Variants in RUNDC3A observed in about 807,000 individuals in gnomAD.
The protein encoded by RUNDC3A is RUN domain-containing protein 3A.
Under a neutral mutation model 53.9 loss-of-function variants are expected in RUNDC3A, and 28 were observed. The observed-to-expected ratio is 0.52, with a 90% CI of 0.38 to 0.71. The LOEUF (loss-of-function observed/expected upper bound fraction) is 0.71. RUNDC3A is among the 30% of genes least tolerant of loss of function. RUNDC3A has a pLI of 0.00. For missense variants in RUNDC3A, 491 were observed against 597.3 expected, an observed-to-expected ratio of 0.82 and a Z score of 1.85; for synonymous variants, 232 against 249.4, an observed-to-expected ratio of 0.93 and a Z score of 0.66.
intron 1 of RUNDC3A, chr17:44,311,201 G>A (rs2144673686): frequency 2.0e-6 from 2 of 985,662 alleles, no homozygotes; most frequent in Non-Finnish European, 2.4e-6. Context: ...GGGGGACGAG[G>A]GCTCAGCTGT....
intron 10 of RUNDC3A, 186 bp from the exon 11 acceptor site, chr17:44,317,910 G>T: frequency 4.9e-6 from 3 of 606,556 alleles, no homozygotes; most frequent in Non-Finnish European, 8.8e-6. Context: ...ACAATACAGT[G>T]TCCCCAGCAC....
At position 44,314,046 on chromosome 17, in the gene RUNDC3A, C is replaced by T. The variant is rs928814518; in HGVS notation, c.458+543C>T. The T allele has an allele frequency of 2.2e-5, 22 of 993,096 alleles. No individual in the cohort carries two copies. In the Admixed American group the frequency reaches 2.9e-4, roughly 13 times the overall value. The allele number at this position is 993,096 out of a possible 1,614,324, so 61.5% of individuals were successfully genotyped here. ...ATGCCCATTATTTGCCATCAATGCC[C>T]AGCACGCTCCACCCTTGCACACCTC... On this transcript the variant is annotated intron_variant, in intron 4 of 10. Transcript: ENST00000426726.
rs976666242 is a variant in RUNDC3A, at chr17:44,315,349, G to C, written c.795+29G>C. 162 of 1,312,866 alleles carry C rather than the reference G, an allele frequency of 1.2e-4. No individual in the cohort carries two copies. Among genetic ancestry groups the C allele is most frequent in the Non-Finnish European group, 1.6e-4 (159 of 1,025,074 alleles). The allele number at this position is 1,312,866 out of a possible 1,614,324, so 81.3% of individuals were successfully genotyped here. On this transcript the variant is annotated intron_variant, in intron 7 of 10. Coordinates refer to ENST00000426726, the MANE Select transcript of RUNDC3A (RefSeq NM_001144825.2). The surrounding 1 kb of genome is among the most constrained non-coding windows in gnomAD (Gnocchi z 6.1). The stretch of plus-strand genomic sequence containing the variant: ...CGCGACGCCGGCGGGCCCGGGGGGC[G>C]GGCGGGCCGGGCGGGGGATCCGGGC...
Position 44,312,561 on chromosome 17 carries a change from T to A in RUNDC3A, c.108-19T>A. 1 of 1,470,816 alleles carries A rather than the reference T, an allele frequency of 6.8e-7. No individual in the cohort carries two copies. The highest frequency in any genetic ancestry group is 9.3e-7 in the Non-Finnish European group (1 of 1,073,680). 91.1% of individuals were successfully genotyped at this position (1,470,816 alleles called of 1,614,324 possible). A position where few individuals can be genotyped will look rare whatever the true frequency, so the allele number is the denominator to read the frequency against. ...TCACCTGACACCCCACTGCCCCATC[T>A]CCCCACCTCGCCGCCCAGGTTCTCT... On this transcript the variant is annotated intron_variant, in intron 1 of 10. Coordinates refer to ENST00000426726, the MANE Select transcript of RUNDC3A (RefSeq NM_001144825.2).
chr17:44,308,715 A>G lies in RUNDC3A; in HGVS notation c.-118A>G. 1 of 568,240 alleles carries G rather than the reference A, an allele frequency of 1.8e-6. No homozygotes were observed. The highest frequency in any genetic ancestry group is 2.9e-6 in the Non-Finnish European group (1 of 340,890). 35.2% of individuals were successfully genotyped at this position (568,240 alleles called of 1,614,324 possible). A position where few individuals can be genotyped will look rare whatever the true frequency, so the allele number is the denominator to read the frequency against. ...CGGGCGCAAAGGCAGGGGGATGGCC[A>G]TGGAAGGGTTGAGGGGCCCCGTCGG... On this transcript the variant is annotated 5_prime_UTR_variant, in exon 1 of 11. An upstream start codon of the reference 5' UTR is lost. Coordinates refer to ENST00000426726, the MANE Select transcript of RUNDC3A (RefSeq NM_001144825.2).
At chr17:44,314,675 G>GGGA in intron 4 of RUNDC3A, 60 bp from the exon 5 acceptor site, 2 of 129,354 alleles carry the variant, frequency 1.5e-5, no homozygotes, top group Non-Finnish European at 2.2e-5. Context: ...TAGCAGCTCT[G>GGGA]GGGGGGGGGG....
rs1288206279 is a variant in RUNDC3A, at chr17:44,308,925, G to C, written c.93G>C (p.Leu31=). ...ACGTGGCTGTGGAGCGTAAGAACCT[G>C]ATCACCGTGTGCAGGTGGGCACCGC... ...SRNVAVERKN[L]ITVCRFSVKT... Residue 31 remains leucine, a synonymous_variant, in exon 1 of 11, where the codon CTG becomes CTC. Coordinates refer to ENST00000426726, the MANE Select transcript of RUNDC3A (RefSeq NM_001144825.2). 1 of 1,607,026 alleles carries C rather than the reference G, an allele frequency of 6.2e-7. No individual in the cohort carries two copies. The highest frequency in any genetic ancestry group is 1.3e-5 in the African/African-American group (1 of 74,640).
At chr17:44,317,128 G>A in intron 10 of RUNDC3A, 3 of 437,914 alleles carry the variant, frequency 6.9e-6, no homozygotes, top group Non-Finnish European at 1.2e-5. Context: ...TTACAGGTGT[G>A]AGCCACTGTG....
rs377490834 is a variant in RUNDC3A, at chr17:44,315,420, C to T, written c.796-32C>T. On this transcript the variant is annotated intron_variant, in intron 7 of 10. Transcript: ENST00000426726. The surrounding 1 kb of genome is among the most constrained non-coding windows in gnomAD (Gnocchi z 6.1). ...TGGGGGCCGCGGCCGGGACGTCCTC[C>T]CAGCCGCCCGGGCTGAGCCGGCGCC... is the stretch of plus-strand genomic sequence containing the variant. The T allele has an allele frequency of 5.2e-5, 72 of 1,377,676 alleles. 2 individuals carry two copies. The highest frequency in any genetic ancestry group is 3.4e-4 in the East Asian group (11 of 32,298). 85.3% of individuals were successfully genotyped at this position (1,377,676 alleles called of 1,614,324 possible). A position where few individuals can be genotyped will look rare whatever the true frequency, so the allele number is the denominator to read the frequency against.
chr17:44,312,345 GTCAA>G (rs1042540450), intron 1 of RUNDC3A, among the ~76,000 whole-genome samples: 3 of 151,950 alleles, frequency 2.0e-5, no homozygotes, highest in African/African-American at 7.3e-5. Flanking sequence ...CACCCACTTT[GTCAA>G]TCAGTCTCCC....
chr17:44,308,664 G>T lies in RUNDC3A; in HGVS notation c.-169G>T. ...TTGTTTTGCTCTGGCATCGCCGCCG[G>T]GGGAGGGAGCGAGGGGGCCGGGCAC... On this transcript the variant is annotated 5_prime_UTR_variant, in exon 1 of 11. Coordinates refer to ENST00000426726, the MANE Select transcript of RUNDC3A (RefSeq NM_001144825.2). The T allele has an allele frequency of 2.1e-6, 1 of 466,908 alleles. No individual in the cohort carries two copies. Among genetic ancestry groups the T allele is most frequent in the Non-Finnish European group, 3.8e-6 (1 of 265,774 alleles). 28.9% of individuals were successfully genotyped at this position (466,908 alleles called of 1,614,324 possible).
chr17:44,310,337 C>T (rs140714229), intron 1 of RUNDC3A, among the ~76,000 whole-genome samples: 74 of 152,362 alleles, frequency 4.9e-4, no homozygotes, highest in Admixed American at 1.8e-3. Context: ...ACAGAAAGAG[C>T]CCTGTCCTAA....
In RUNDC3A at chr17:44,318,384, C is replaced by A; in HGVS notation, c.*146C>A. On this transcript the variant is annotated 3_prime_UTR_variant, in exon 11 of 11. Transcript: ENST00000426726. ...GTTCTCTCGGGGAAGATCTCGTCTG[C>A]TCACCTTAGCTTTCTGCCTTGGCAG... The A allele has an allele frequency of 1.1e-6, 1 of 939,932 alleles. No individual in the cohort carries two copies. The highest frequency in any genetic ancestry group is 1.6e-6 in the Non-Finnish European group (1 of 636,136). 58.2% of individuals were successfully genotyped at this position (939,932 alleles called of 1,614,324 possible).
rs373613588 is a variant in RUNDC3A at position 44,313,119 on chromosome 17, G to A, written c.239G>A (p.Gly80Asp). Residue 80 changes from glycine to aspartate, a missense_variant, in exon 3 of 11, where the codon GGT becomes GAT. Around this residue, in one of 2 missense-constraint regions of RUNDC3A, gnomAD observed 273 missense variants for 389.0 expected, o/e 0.70. Transcript: ENST00000426726. ...SHRFKACAPAGPVSWFSSDGQ... is the reference protein window; with the variant it reads ...SHRFKACAPADPVSWFSSDGQ... ...CCTGGCTCAGCCTGTGCCCCAGCAG[G>A]TCCAGTGAGCTGGTTCAGCTCAGAC... 1 of 1,614,038 alleles carries A rather than the reference G, an allele frequency of 6.2e-7. No homozygotes were observed. Among genetic ancestry groups the A allele is most frequent in the African/African-American group, 1.3e-5 (1 of 75,070 alleles).
At chr17:44,314,557 C>A in intron 4 of RUNDC3A, 178 bp from the exon 5 acceptor site, 2 of 1,437,772 alleles carry the variant, frequency 1.4e-6, no homozygotes, top group Non-Finnish European at 1.8e-6. Context: ...GGTGATGGGG[C>A]CACAGGTGCG....
chr17:44,308,948 C>G lies in RUNDC3A; in HGVS notation c.107+9C>G, dbSNP rs144462046. The G allele has an allele frequency of 0.017, 26,766 of 1,551,812 alleles. 313 individuals are homozygous for G. Among genetic ancestry groups the G allele is most frequent in the Middle Eastern group, 0.044 (259 of 5,846 alleles). Reference sequence around the variant, plus strand: ...CTGATCACCGTGTGCAGGTGGGCACCGCTAGTGGGCGGGGGCTGGGGTGGT... The same window carrying G: ...CTGATCACCGTGTGCAGGTGGGCACGGCTAGTGGGCGGGGGCTGGGGTGGT... On this transcript the variant is annotated intron_variant, in intron 1 of 10. Transcript: ENST00000426726.
At position 44,316,488 on chromosome 17, in the gene RUNDC3A, G is replaced by A. The variant is rs374238223; in HGVS notation, c.1057G>A (p.Ala353Thr). 6.2e-7 allele frequency: 1 copy of A among 1,612,700 alleles called. No individual in the cohort carries two copies. The highest frequency in any genetic ancestry group is 8.5e-7 in the Non-Finnish European group (1 of 1,179,720). ...GCCCTCACTGGGAACGCTTAATGGG[G>A]CCGAGGGCGCCAGCAACTCCAAGCT... ...QWPSLGTLNGAEGASNSKLYR... is the reference protein window; with the variant it reads ...QWPSLGTLNGTEGASNSKLYR... Residue 353 changes from alanine to threonine, a missense_variant, in exon 9 of 11, where the codon GCC (alanine) becomes ACC (threonine). Coordinates refer to ENST00000426726, the MANE Select transcript of RUNDC3A (RefSeq NM_001144825.2).
chr17:44,318,208 C>T lies in RUNDC3A; in HGVS notation c.1311C>T (p.Pro437=), dbSNP rs147484929. 120 of 1,551,212 alleles carry T rather than the reference C, an allele frequency of 7.7e-5. 2 individuals carry two copies. The highest frequency in any genetic ancestry group is 5.1e-4 in the Middle Eastern group (3 of 5,886). Residue 437 remains proline, a synonymous_variant, in exon 11 of 11, where the codon CCC becomes CCT. Coordinates refer to ENST00000426726, the MANE Select transcript of RUNDC3A (RefSeq NM_001144825.2). ...KSNECLVSDS[P]EGSPALSPS ...ACGAGTGCCTGGTGAGCGACAGTCC[C>T]GAGGGCAGCCCAGCACTGAGCCCCA...
chr17:44,312,456 G>GC, intron 1 of RUNDC3A, 124 bp from the exon 2 acceptor site: 3 of 634,184 alleles, frequency 4.7e-6, no homozygotes, highest in South Asian at 1.8e-5. Flanking sequence ...CACTCGCTCT[G>GC]CCCCCCACCA....
Sources: allele counts gnomAD v4.1 joint callset (sites outside exome capture counted in the v4.1 genomes callset), GRCh38; gene constraint gnomAD v4.1.1; regional missense constraint gnomAD v4.1.1; non-coding constraint Gnocchi (gnomAD v3.1); transcripts MANE v1.5; gene names NCBI Gene and HGNC (gene_info 2026-07-23, HGNC 2026-07-21).